GRB10: variants seen among roughly 807,000 people sequenced by gnomAD.
GRB10 encodes the protein growth factor receptor bound protein 10.
Under a neutral mutation model 80.9 loss-of-function variants are expected in GRB10, and 20 were observed. The observed-to-expected ratio is 0.25, with a 90% CI of 0.17 to 0.36. GRB10 has a LOEUF of 0.36. Ranked by LOEUF, GRB10 falls within the 10% of genes least tolerant of loss-of-function variation. The pLI is 1.00. For missense variants in GRB10, 548 were observed against 747.7 expected (o/e 0.73, Z 3.12); for synonymous variants, 291 against 291.5 (o/e 1.00, Z 0.02).
intron 7 of GRB10, among the ~76,000 whole-genome samples, chr7:50,630,939 C>T (rs918928635): frequency 9.2e-5 from 14 of 152,092 alleles, no homozygotes; most frequent in Non-Finnish European, 1.9e-4. Context: ...GACAAAAAAG[C>T]AAGAGCTTAA....
intron 8 of GRB10, among the ~76,000 whole-genome samples, chr7:50,626,097 T>G (rs1479747766): frequency 6.6e-6 from 1 of 152,200 alleles, no homozygotes; most frequent in Non-Finnish European, 1.5e-5. Context: ...AGATAAGAAT[T>G]TAAGCAAAAG....
chr7:50,605,336 G>A lies in GRB10; in HGVS notation c.1343C>T (p.Pro448Leu), dbSNP rs373960643. The change falls in exon 15 of 19, where the codon CCG becomes CTG. Residue 448 changes from proline (P) to leucine (L), a missense_variant. Pro to Leu is a moderately conservative substitution (Grantham distance 98). Transcript: ENST00000401949. ...SGQTGRVIEN[P>L]AEAQSAALEE... ...CAGGGCTGCGCTCTGGGCCTCTGCC[G>A]GATTCTCTATCACGCGTCCTGTTTG... The A allele has an allele frequency of 1.8e-5, 29 of 1,614,082 alleles. No individual in the cohort carries two copies. The highest frequency in any genetic ancestry group is 2.1e-5 in the Non-Finnish European group (25 of 1,180,054).
chr7:50,657,861 C>G lies in GRB10; in HGVS notation c.504+11861G>C, dbSNP rs554675210. ...GTGAATTTTTTGGATTTTCAAAACACTTTCACTTGGTTTCCTCCACTAATT... is the reference window on the plus strand; with the variant it reads ...GTGAATTTTTTGGATTTTCAAAACAGTTTCACTTGGTTTCCTCCACTAATT... On this transcript the variant is annotated intron_variant, in intron 7 of 18. Transcript: ENST00000401949. 2.0e-5 allele frequency among the ~76,000 whole-genome samples: 3 copies of G among 152,308 alleles called. No individual in the cohort carries two copies. The South Asian group carries it at 6.2e-4, about 32-fold the overall frequency.
At chr7:50,637,448 ACAC>A (rs1003762070) in intron 7 of GRB10, among the ~76,000 whole-genome samples, 8 of 152,250 alleles carry the variant, frequency 5.3e-5, no homozygotes, top group East Asian at 1.9e-4. Flanking sequence ...ACACACACAC[ACAC>A]AACATACATA....
intron 5 of GRB10, among the ~76,000 whole-genome samples, chr7:50,701,069 T>A (rs1010722281): frequency 6.6e-6 from 1 of 152,220 alleles, no homozygotes; most frequent in African/African-American, 2.4e-5. Flanking sequence ...TCTTCCGTTT[T>A]CTACTTGATG....
chr7:50,618,644 C>T (rs1195190598), intron 9 of GRB10, among the ~76,000 whole-genome samples: 1 of 152,220 alleles, frequency 6.6e-6, no homozygotes, highest in South Asian at 2.1e-4. Flanking sequence ...AGGATGACAG[C>T]GAGTGCCCCA....
At chr7:50,711,716 C>T (rs1185501972) in intron 4 of GRB10, among the ~76,000 whole-genome samples, 1 of 152,154 alleles carries the variant, frequency 6.6e-6, no homozygotes, top group African/African-American at 2.4e-5. Context: ...CACAAGCCGT[C>T]AGATACAGTG....
At chr7:50,722,395 T>C (rs996349045) in intron 4 of GRB10, among the ~76,000 whole-genome samples, 3 of 152,226 alleles carry the variant, frequency 2.0e-5, no homozygotes, top group African/African-American at 7.2e-5. Flanking sequence ...AGATGTTGGA[T>C]GGCACAGACA....
rs373879165 is a variant in GRB10 at position 50,626,912 on chromosome 7, T to C, written c.571A>G (p.Arg191Gly). 6 of 1,614,192 alleles carry C rather than the reference T, an allele frequency of 3.7e-6. No individual in the cohort carries two copies. Among genetic ancestry groups the C allele is most frequent in the Non-Finnish European group, 5.1e-6 (6 of 1,180,024 alleles). The change falls in exon 8 of 19, where the codon AGA becomes GGA. Residue 191 changes from arginine (R) to glycine (G), a missense_variant. Transcript: ENST00000401949. ...TAAACCAGCAATTGGCACAGGTCTCTGGCTGTCATGTCTGCTAGAATCTCC... is the reference window on the plus strand; with the variant it reads ...TAAACCAGCAATTGGCACAGGTCTCCGGCTGTCATGTCTGCTAGAATCTCC... ...VVEILADMTARDLCQLLVYKS... is the reference protein window; with the variant it reads ...VVEILADMTAGDLCQLLVYKS...
chr7:50,658,094 T>A (rs879784783), intron 7 of GRB10, among the ~76,000 whole-genome samples: 9 of 152,216 alleles, frequency 5.9e-5, no homozygotes, highest in Non-Finnish European at 1.3e-4. Context: ...CTGTAAACTC[T>A]AGAACACTTT....
At chr7:50,601,299 A>T (rs1484461422) in intron 17 of GRB10, among the ~76,000 whole-genome samples, 1 of 152,264 alleles carries the variant, frequency 6.6e-6, no homozygotes, top group Non-Finnish European at 1.5e-5. Flanking sequence ...CTTATTTCAT[A>T]GATCTGACTT....
chr7:50,792,292 C>G, intron 1 of GRB10: 1 of 227,832 alleles, frequency 4.4e-6, no homozygotes. Flanking sequence ...AGAAAATATT[C>G]TTTCAAACGC....
At chr7:50,716,029 G>A (rs537559881) in intron 4 of GRB10, among the ~76,000 whole-genome samples, 22 of 152,310 alleles carry the variant, frequency 1.4e-4, no homozygotes, top group African/African-American at 4.8e-4. Context: ...GGAAGGTCAA[G>A]GCAGAGAGGA....
chr7:50,699,859 G>A (rs2063909449), intron 5 of GRB10, among the ~76,000 whole-genome samples: 1 of 152,198 alleles, frequency 6.6e-6, no homozygotes, highest in Non-Finnish European at 1.5e-5. Flanking sequence ...GTTGGGGCCA[G>A]GCGCGGTGGC....
chr7:50,645,772 A>G (rs2057088547), intron 7 of GRB10: 1 of 276,752 alleles, frequency 3.6e-6, no homozygotes, highest in Admixed American at 6.5e-5. Context: ...AAAGTGATAG[A>G]TTGCCTGGAC....
chr7:50,593,254 G>A (rs73129072), intron 18 of GRB10, among the ~76,000 whole-genome samples, 156 bp from the exon 19 acceptor site: 8,152 of 152,194 alleles, frequency 0.054, 263 homozygotes, highest in Middle Eastern at 0.11. Context: ...CGGGAAAGAC[G>A]GGAGCAGAGG....
chr7:50,755,529 C>T (rs2074938718), intron 3 of GRB10, among the ~76,000 whole-genome samples: 2 of 152,112 alleles, frequency 1.3e-5, no homozygotes, highest in Non-Finnish European at 2.9e-5. Flanking sequence ...CGAGGAGTGC[C>T]CAGAGTGACC....
In GRB10 at chr7:50,674,526, C is replaced by T; in HGVS notation, c.272G>A (p.Arg91Gln). The change falls in exon 6 of 19, where the codon CGG (arginine) becomes CAG (glutamine). Residue 91 changes from arginine (R) to glutamine (Q), a missense_variant. Arg to Gln is a conservative substitution (Grantham distance 43, BLOSUM62 1). This residue lies in a region of GRB10 where 245 missense variants were observed against 229.3 expected (regional missense o/e 1.07). Transcript: ENST00000401949. ...GATGGACCGAGGAGGGCCTGAAGCC[C>T]GAGGCTGGCTGCGGGCATGCTGGCC... The part of the protein sequence containing the change: ...QNGQHARSQP[R>Q]ASGPPRSIQP... 1 of 1,610,864 alleles carries T rather than the reference C, an allele frequency of 6.2e-7. No homozygotes were observed. Among genetic ancestry groups the T allele is most frequent in the African/African-American group, 1.3e-5 (1 of 75,050 alleles).
intron 4 of GRB10, among the ~76,000 whole-genome samples, chr7:50,720,015 T>C (rs1175092717): frequency 6.6e-6 from 1 of 152,148 alleles, no homozygotes; most frequent in African/African-American, 2.4e-5. Flanking sequence ...AGAACTTGAA[T>C]GCCTCTCAAC....
Sources: allele counts gnomAD v4.1 joint callset (sites outside exome capture counted in the v4.1 genomes callset), GRCh38; gene constraint gnomAD v4.1.1; regional missense constraint gnomAD v4.1.1; transcripts MANE v1.5; gene names NCBI Gene and HGNC (gene_info 2026-07-23, HGNC 2026-07-21).